The following SPATA13 variants were observed in gnomAD, a reference collection of about 807,000 sequenced individuals.
The protein encoded by SPATA13 is spermatogenesis-associated protein 13.
A neutral mutation model predicts 104.0 loss-of-function variants in SPATA13; 50 were observed. The ratio of observed to expected loss-of-function variants is 0.48; its 90% CI spans 0.38 to 0.61. The LOEUF is 0.61. SPATA13 is among the 20% of genes least tolerant of loss of function. SPATA13 has a pLI of 0.00. For synonymous variants in SPATA13, 606 were observed against 667.5 expected, an observed-to-expected ratio of 0.91 and a Z score of 1.42; for missense variants, 1,524 against 1,690.6, an observed-to-expected ratio of 0.90 and a Z score of 1.73.
intron 1 of SPATA13, among the ~76,000 whole-genome samples, chr13:24,187,570 G>T (rs1468908081): frequency 6.6e-6 from 1 of 152,178 alleles, no homozygotes; most frequent in Non-Finnish European, 1.5e-5. Flanking sequence ...TGTTACAATA[G>T]CATGTGCGTA....
At chr13:24,084,215 G>A (rs1309723762) in intron 3 of SPATA13, among the ~76,000 whole-genome samples, 1 of 152,134 alleles carries the variant, frequency 6.6e-6, no homozygotes, top group Non-Finnish European at 1.5e-5. Context: ...TAAATGCGTT[G>A]GGGAGATGTG....
At chr13:24,275,152 A>C (rs574684354) in intron 4 of SPATA13, among the ~76,000 whole-genome samples, 31 of 152,222 alleles carry the variant, frequency 2.0e-4, no homozygotes, top group African/African-American at 7.5e-4. Context: ...AGTAGTTCCT[A>C]AAGCTAAAAG....
intron 3 of SPATA13, among the ~76,000 whole-genome samples, chr13:24,086,124 C>A (rs538182963): frequency 6.6e-6 from 1 of 152,142 alleles, no homozygotes; most frequent in Admixed American, 6.5e-5. Context: ...AAATGCCACC[C>A]GGTGAGTTTG....
rs778986380 is a variant in SPATA13, at chr13:24,303,204, G to C, written c.*431G>C. On this transcript the variant is annotated 3_prime_UTR_variant, in exon 13 of 13. Coordinates refer to ENST00000382108, the MANE Select transcript of SPATA13 (RefSeq NM_001166271.3). ...TCTGCATTTGATTTTCAAGGATGCC[G>C]TCAAGACGGGGTTGACACAATGCTG... 1 of 407,584 alleles carries C rather than the reference G, an allele frequency of 2.5e-6. No homozygotes were observed. The highest frequency in any genetic ancestry group is 4.9e-6 in the Non-Finnish European group (1 of 204,404). 25.2% of individuals were successfully genotyped at this position (407,584 alleles called of 1,614,324 possible).
intron 2 of SPATA13, among the ~76,000 whole-genome samples, chr13:24,013,105 G>C (rs1266541630): frequency 6.6e-6 from 1 of 152,182 alleles, no homozygotes; most frequent in Admixed American, 6.5e-5. Context: ...GCCAGGGTGG[G>C]GGGTACATGG....
chr13:24,129,278 TC>T (rs1234615895), intron 3 of SPATA13, among the ~76,000 whole-genome samples: 7 of 152,200 alleles, frequency 4.6e-5, no homozygotes, highest in East Asian at 1.9e-4. Context: ...ACAGCGTCTG[TC>T]CCATGTGAGC....
At chr13:24,282,854 G>T (rs1251390949) in intron 4 of SPATA13, among the ~76,000 whole-genome samples, 1 of 152,182 alleles carries the variant, frequency 6.6e-6, no homozygotes, top group African/African-American at 2.4e-5. Flanking sequence ...ACTTGATTTA[G>T]GTCCCATGCC....
chr13:24,217,261 T>C (rs572115166), intron 1 of SPATA13, among the ~76,000 whole-genome samples: 1 of 152,324 alleles, frequency 6.6e-6, no homozygotes, highest in African/African-American at 2.4e-5. Context: ...AGAAAAACTA[T>C]TCTGAAACTA....
intron 4 of SPATA13, among the ~76,000 whole-genome samples, chr13:24,272,324 C>G (rs1340811682): frequency 6.6e-6 from 1 of 152,240 alleles, no homozygotes; most frequent in Non-Finnish European, 1.5e-5. Flanking sequence ...AGAATCTGCC[C>G]TCTGCGGCCT....
chr13:24,122,488 T>C (rs1467302928), intron 3 of SPATA13: 1 of 1,608,310 alleles, frequency 6.2e-7, no homozygotes, highest in Non-Finnish European at 8.5e-7. Context: ...CAAATATTCT[T>C]GCCCATCTTC....
rs747648603 is a variant in SPATA13, at chr13:24,286,195, C to A, written c.2302-19C>A. 12 of 1,598,482 alleles carry A rather than the reference C, an allele frequency of 7.5e-6. No individual in the cohort carries two copies. Among genetic ancestry groups the A allele is most frequent in the Non-Finnish European group, 1.0e-5 (12 of 1,170,852 alleles). ...CCACTCGTGCTCTATGCTGAGCGCA[C>A]CCCACTGTCTCCTTTCAGCTGATCA... On this transcript the variant is annotated intron_variant, in intron 5 of 12. Coordinates refer to ENST00000382108, the MANE Select transcript of SPATA13 (RefSeq NM_001166271.3). The surrounding 1 kb of genome is among the most constrained non-coding windows in gnomAD (Gnocchi z 4.9).
intron 12 of SPATA13, chr13:24,300,678 G>A (rs963523624): frequency 3.5e-6 from 2 of 573,852 alleles, no homozygotes; most frequent in African/African-American, 1.9e-5. Flanking sequence ...TGCTTCCATT[G>A]GAATGTGGGC....
chr13:24,229,773 A>G (rs575576756), intron 2 of SPATA13, among the ~76,000 whole-genome samples: 29 of 152,314 alleles, frequency 1.9e-4, no homozygotes, highest in Non-Finnish European at 3.8e-4. Flanking sequence ...CATGTCCCCA[A>G]CCAAATTTGT....
At chr13:23,982,468 A>G (rs1874946397) in intron 1 of SPATA13, among the ~76,000 whole-genome samples, 1 of 152,232 alleles carries the variant, frequency 6.6e-6, no homozygotes, top group Non-Finnish European at 1.5e-5. Flanking sequence ...AACTGGCAGA[A>G]AAAGCAAAAA....
At chr13:24,084,087 G>GA (rs942842600) in intron 3 of SPATA13, among the ~76,000 whole-genome samples, 12 of 150,780 alleles carry the variant, frequency 8.0e-5, no homozygotes, top group African/African-American at 3.0e-4. Context: ...CTCAGAAAGA[G>GA]AAAGGGGGAG....
At chr13:24,213,285 G>C (rs552761731) in intron 1 of SPATA13, among the ~76,000 whole-genome samples, 1 of 152,236 alleles carries the variant, frequency 6.6e-6, no homozygotes, top group African/African-American at 2.4e-5. Flanking sequence ...TTTTTGTTTT[G>C]AGATGGAGTC....
chr13:24,037,488 A>G (rs1245150563), intron 3 of SPATA13, among the ~76,000 whole-genome samples: 3 of 151,836 alleles, frequency 2.0e-5, no homozygotes, highest in Non-Finnish European at 4.4e-5. Flanking sequence ...GCTCACTGCA[A>G]CCTCTGTCTT....
chr13:23,997,213 A>G (rs182464010), intron 2 of SPATA13, among the ~76,000 whole-genome samples: 139 of 152,324 alleles, frequency 9.1e-4, no homozygotes, highest in Admixed American at 3.5e-3. Flanking sequence ...TCATTTGTTA[A>G]GGTATAATGG....
Position 24,284,227 on chromosome 13 carries a change from C to G in SPATA13, c.2257C>G (p.Pro753Ala), listed in dbSNP as rs201006373. The G allele has an allele frequency of 8.7e-6, 14 of 1,613,670 alleles. No homozygotes were observed. The highest frequency in any genetic ancestry group is 1.2e-5 in the Non-Finnish European group (14 of 1,179,928). Residue 753 changes from proline (P) to alanine (A), a missense_variant, in exon 5 of 13, where the codon CCT becomes GCT. Physicochemically the swap from Pro to Ala is conservative, Grantham distance 27 (BLOSUM62 -1). Transcript: ENST00000382108. ...FSYEDLCQASPRYLQPGGEQL... is the reference protein window; with the variant it reads ...FSYEDLCQASARYLQPGGEQL... ...CTATGAAGACCTCTGCCAGGCCAGC[C>G]CTCGGTACCTGCAGCCCGGCGGGGA... is the stretch of plus-strand genomic sequence containing the variant.
Sources: gnomAD v4.1 joint callset for allele counts (sites outside exome capture counted in the v4.1 genomes callset) on GRCh38, gnomAD v4.1.1 for gene constraint, Gnocchi (gnomAD v3.1) non-coding constraint, MANE v1.5 for transcripts, NCBI Gene and HGNC (gene_info 2026-07-23, HGNC 2026-07-21) for gene names.